FUT9: variants seen among roughly 807,000 people sequenced by gnomAD.
FUT9 encodes the protein fucosyltransferase 9, also known as 4-galactosyl-N-acetylglucosaminide 3-alpha-L-fucosyltransferase 9.
Under a neutral mutation model 29.7 loss-of-function variants are expected in FUT9, and 15 were observed. The observed-to-expected ratio is 0.51, with a 90% CI of 0.34 to 0.78. FUT9 has a LOEUF of 0.78. Ranked by LOEUF, FUT9 falls within the 30% of genes least tolerant of loss-of-function variation. The pLI, the probability that FUT9 is intolerant of heterozygous loss-of-function variation, is 0.01. For missense variants in FUT9, 319 were observed against 425.4 expected (o/e 0.75, Z 2.20); for synonymous variants, 169 against 153.7 (o/e 1.10, Z -0.74).
At position 96,152,937 on chromosome 6, in the gene FUT9, C is replaced by T. The variant is rs143601920; in HGVS notation, c.-9+38810C>T. On this transcript the variant is annotated intron_variant, in intron 2 of 2. Coordinates refer to ENST00000302103, the MANE Select transcript of FUT9 (RefSeq NM_006581.4). The stretch of plus-strand genomic sequence containing the variant: ...GTTCAGTTAAAGCTGAGCTTTGCCT[C>T]ACAGAGGATAGGCAAACTGCATCTG... Among the ~76,000 whole-genome samples, 296 of 152,280 alleles carry T rather than the reference C, an allele frequency of 1.9e-3. 2 individuals carry two copies. Among genetic ancestry groups the T allele is most frequent in the African/African-American group, 7.0e-3 (290 of 41,558 alleles).
intron 1 of FUT9, among the ~76,000 whole-genome samples, chr6:96,048,645 G>C (rs910219586): frequency 1.3e-5 from 2 of 152,188 alleles, no homozygotes; most frequent in Non-Finnish European, 1.5e-5. Context: ...TGCTACATCT[G>C]GGAGGAGATG....
chr6:96,172,183 G>C (rs901696696), intron 2 of FUT9, among the ~76,000 whole-genome samples: 3 of 152,058 alleles, frequency 2.0e-5, no homozygotes, highest in Admixed American at 6.6e-5. Context: ...ATGGGAGAGG[G>C]GGCTTCATTC....
chr6:96,116,818 A>G (rs1195589422), intron 2 of FUT9, among the ~76,000 whole-genome samples: 2 of 152,190 alleles, frequency 1.3e-5, no homozygotes, highest in African/African-American at 4.8e-5. Context: ...AGGGCTGACT[A>G]CAAAATCATT....
Position 96,142,537 on chromosome 6 carries a change from C to A in FUT9, c.-9+28410C>A, listed in dbSNP as rs76203834. On this transcript the variant is annotated intron_variant, in intron 2 of 2. Transcript: ENST00000302103. ...TTCAATGAAGTGCTATTCAAAGGTTCATCATTAACTAAGATAGCACAACTA... is the reference window on the plus strand; with the variant it reads ...TTCAATGAAGTGCTATTCAAAGGTTAATCATTAACTAAGATAGCACAACTA... Among the ~76,000 whole-genome samples the A allele has an allele frequency of 5.0e-3, 766 of 152,280 alleles. 9 individuals carry two copies. The highest frequency in any genetic ancestry group is 0.018 in the African/African-American group (738 of 41,570).
At chr6:96,075,901 CA>C (rs1414020767) in intron 1 of FUT9, among the ~76,000 whole-genome samples, 11 of 152,240 alleles carry the variant, frequency 7.2e-5, no homozygotes, top group African/African-American at 2.6e-4. Context: ...TAGGTATTAA[CA>C]AATATTTATA....
At chr6:96,134,768 A>T (rs996675969) in intron 2 of FUT9, among the ~76,000 whole-genome samples, 1 of 151,960 alleles carries the variant, frequency 6.6e-6, no homozygotes, top group East Asian at 1.9e-4. Flanking sequence ...AACCAGGAAC[A>T]ACTGATTCCA....
intron 2 of FUT9, among the ~76,000 whole-genome samples, chr6:96,130,452 T>C (rs1266114547): frequency 6.6e-6 from 1 of 152,096 alleles, no homozygotes; most frequent in Non-Finnish European, 1.5e-5. Context: ...ATGGGCTCCA[T>C]TTAGTGCTTT....
At position 96,144,739 on chromosome 6, in the gene FUT9, C is replaced by T. The variant is rs149072605; in HGVS notation, c.-9+30612C>T. Reference sequence around the variant, plus strand: ...AGTGGAATTATTCATAACAAAGATGCACTTCAATAATTGCTCTAAGAATAG... The same window carrying T: ...AGTGGAATTATTCATAACAAAGATGTACTTCAATAATTGCTCTAAGAATAG... On this transcript the variant is annotated intron_variant, in intron 2 of 2. Transcript: ENST00000302103. 2.6e-3 allele frequency among the ~76,000 whole-genome samples: 392 copies of T among 152,216 alleles called. 2 individuals are homozygous for T. The highest frequency in any genetic ancestry group is 9.2e-3 in the African/African-American group (381 of 41,542).
In FUT9 at chr6:96,206,108, C is replaced by T. The variant is rs1446914868; in HGVS notation, c.*1873C>T. ...GCCTGAGACTGTTTATATGCATGTG[C>T]TACTCCGAATGACGTTTGTATGGGT... On this transcript the variant is annotated 3_prime_UTR_variant, in exon 3 of 3. Coordinates refer to ENST00000302103, the MANE Select transcript of FUT9 (RefSeq NM_006581.4). The T allele has an allele frequency of 6.0e-6, 1 of 166,964 alleles. No individual in the cohort carries two copies. Among genetic ancestry groups the T allele is most frequent in the African/African-American group, 2.4e-5 (1 of 41,424 alleles). 10.3% of individuals were successfully genotyped at this position (166,964 alleles called of 1,614,324 possible). A position where few individuals can be genotyped will look rare whatever the true frequency, so the allele number is the denominator to read the frequency against.
chr6:96,085,031 T>C (rs2127951941), intron 1 of FUT9, among the ~76,000 whole-genome samples: 1 of 152,206 alleles, frequency 6.6e-6, no homozygotes, highest in East Asian at 1.9e-4. Flanking sequence ...CCAGTTTGAC[T>C]ATTTGAAAGG....
At chr6:96,134,667 A>T (rs1185390987) in intron 2 of FUT9, among the ~76,000 whole-genome samples, 6 of 151,860 alleles carry the variant, frequency 4.0e-5, no homozygotes, top group Non-Finnish European at 8.8e-5. Flanking sequence ...CACGAAACAG[A>T]TACATCATTA....
intron 1 of FUT9, among the ~76,000 whole-genome samples, chr6:96,072,626 C>T (rs576067545): frequency 2.0e-5 from 3 of 152,196 alleles, no homozygotes; most frequent in South Asian, 2.1e-4. Context: ...TTTTATAATG[C>T]CTTTGTGTTC....
chr6:96,058,087 A>G (rs371127125), intron 1 of FUT9, among the ~76,000 whole-genome samples: 3 of 152,160 alleles, frequency 2.0e-5, no homozygotes, highest in African/African-American at 7.2e-5. Flanking sequence ...ACGGGTCAAT[A>G]GCAGACGGGC....
intron 2 of FUT9, among the ~76,000 whole-genome samples, chr6:96,114,806 T>G (rs1270416401): frequency 6.6e-6 from 1 of 152,164 alleles, no homozygotes; most frequent in Non-Finnish European, 1.5e-5. Flanking sequence ...GTGTTACTCA[T>G]GTCAATGAGA....
intron 1 of FUT9, among the ~76,000 whole-genome samples, chr6:96,068,451 A>G (rs1191186419): frequency 2.6e-5 from 4 of 152,330 alleles, no homozygotes; most frequent in East Asian, 1.9e-4. Context: ...GTCAAATTCT[A>G]TAATAATAGT....
chr6:96,145,127 G>A (rs972428986), intron 2 of FUT9, among the ~76,000 whole-genome samples: 2 of 151,972 alleles, frequency 1.3e-5, no homozygotes, highest in East Asian at 1.9e-4. Context: ...GCACGATCTC[G>A]GCTCACTGCA....
chr6:96,024,325 T>C (rs1384660450), intron 1 of FUT9, among the ~76,000 whole-genome samples: 1 of 151,822 alleles, frequency 6.6e-6, no homozygotes, highest in Non-Finnish European at 1.5e-5. Context: ...TCTCTTTAAA[T>C]AAGCTGAGAT....
chr6:96,050,465 T>G (rs2127938007), intron 1 of FUT9, among the ~76,000 whole-genome samples: 1 of 152,354 alleles, frequency 6.6e-6, no homozygotes, highest in East Asian at 1.9e-4. Flanking sequence ...AACCCAGTGC[T>G]TTTCAAGCGA....
intron 1 of FUT9, among the ~76,000 whole-genome samples, chr6:96,063,490 G>A (rs1004897578): frequency 6.6e-6 from 1 of 152,056 alleles, no homozygotes; most frequent in Non-Finnish European, 1.5e-5. Context: ...ATTACCAAGG[G>A]AATAGCTCAA....
Sources: allele counts gnomAD v4.1 joint callset (sites outside exome capture counted in the v4.1 genomes callset), GRCh38; gene constraint gnomAD v4.1.1; transcripts MANE v1.5; gene names NCBI Gene and HGNC (gene_info 2026-07-23, HGNC 2026-07-21).